Variants in RAD54B observed in about 807,000 individuals in gnomAD.
RAD54B encodes the protein DNA repair and recombination protein RAD54B.
A neutral mutation model predicts 95.8 loss-of-function variants in RAD54B; 78 were observed. That is an observed-to-expected ratio of 0.81 (90% CI 0.68 to 0.98). RAD54B has a LOEUF of 0.98. RAD54B is among the 50% of genes least tolerant of loss of function. The pLI is 0.00. For missense variants in RAD54B, 957 were observed against 1,056.6 expected, an observed-to-expected ratio of 0.91 and a Z score of 1.31; for synonymous variants, 328 against 354.9, an observed-to-expected ratio of 0.92 and a Z score of 0.85.
intron 11 of RAD54B, among the ~76,000 whole-genome samples, chr8:94,384,462 G>GT (rs1395860995): frequency 6.6e-6 from 1 of 152,184 alleles, no homozygotes; most frequent in African/African-American, 2.4e-5. Flanking sequence ...GAGTCAGAGA[G>GT]TAGAAGGGTA....
At chr8:94,456,779 T>G (rs762605220) in intron 3 of RAD54B, among the ~76,000 whole-genome samples, 52 of 152,150 alleles carry the variant, frequency 3.4e-4, no homozygotes, top group Non-Finnish European at 2.9e-4. Flanking sequence ...TCTCTATGCT[T>G]TTCTATATGC....
chr8:94,419,252 G>A (rs1287036994), intron 3 of RAD54B, among the ~76,000 whole-genome samples: 2 of 152,172 alleles, frequency 1.3e-5, no homozygotes, highest in African/African-American at 4.8e-5. Context: ...GCTCACGCCT[G>A]TAATCCCACC....
rs376928944 is a variant in RAD54B at position 94,393,859 on chromosome 8, G to C, written c.1402C>G (p.Gln468Glu). The change falls in exon 9 of 15, where the codon CAA becomes GAA. Residue 468 changes from glutamine to glutamate, a missense_variant. By Grantham distance (29) the Gln-to-Glu change is conservative. Transcript: ENST00000336148. ...AAATCAATTAATGCAAAAAATTCTTGCAGATCATTCTGAATTGGAGTACCT... is the reference window on the plus strand; with the variant it reads ...AAATCAATTAATGCAAAAAATTCTTCCAGATCATTCTGAATTGGAGTACCT... ...LTGTPIQNDL[Q>E]EFFALIDFVN... 6 of 1,606,152 alleles carry C rather than the reference G, an allele frequency of 3.7e-6. No individual in the cohort carries two copies. In the African/African-American group the frequency reaches 8.1e-5, roughly 22 times the overall value.
chr8:94,422,600 AAAAAAAAAAAAAAAAAAATATAT>A (rs1197451742), intron 3 of RAD54B, among the ~76,000 whole-genome samples: 6 of 90,738 alleles, frequency 6.6e-5, no homozygotes, highest in African/African-American at 3.4e-4. Flanking sequence ...AAAAAAAAAA[AAAAAAAAAAAAAAAAAAATATAT>A]ATATATATAT....
At chr8:94,432,513 C>T (rs1812131333) in intron 3 of RAD54B, 1 of 1,550,526 alleles carries the variant, frequency 6.4e-7, no homozygotes, top group African/African-American at 1.4e-5. Flanking sequence ...TAAAGTATCA[C>T]TCTGTTGAGA....
intron 3 of RAD54B, among the ~76,000 whole-genome samples, chr8:94,415,251 A>C (rs1474503955): frequency 4.7e-5 from 7 of 149,974 alleles, no homozygotes; most frequent in African/African-American, 1.7e-4. Context: ...AACCTGAGAA[A>C]AACAAGCAAT....
chr8:94,430,986 C>G, intron 3 of RAD54B: 1 of 985,352 alleles, frequency 1.0e-6, no homozygotes, highest in Non-Finnish European at 1.2e-6. Flanking sequence ...GCGTCTCACT[C>G]TTGACTTCAA....
intron 2 of RAD54B, 103 bp downstream of exon 2, chr8:94,467,302 A>C (rs1813050936): frequency 9.5e-7 from 1 of 1,052,480 alleles, no homozygotes; most frequent in Non-Finnish European, 1.3e-6. Context: ...GAGATACTGA[A>C]AATTCCTACA....
At chr8:94,381,316 A>C (rs918231277) in intron 11 of RAD54B, among the ~76,000 whole-genome samples, 12 of 152,194 alleles carry the variant, frequency 7.9e-5, no homozygotes, top group Non-Finnish European at 1.8e-4. Context: ...GGAGTCCCCA[A>C]ATTTAAAAGC....
chr8:94,438,025 A>T (rs1812311225), intron 3 of RAD54B, among the ~76,000 whole-genome samples: 2 of 152,212 alleles, frequency 1.3e-5, no homozygotes, highest in Admixed American at 1.3e-4. Flanking sequence ...TGTGATAGTT[A>T]TTAAGAGGTA....
intron 3 of RAD54B, chr8:94,431,625 G>GA: frequency 3.2e-6 from 3 of 940,800 alleles, no homozygotes; most frequent in Non-Finnish European, 2.5e-6. Context: ...TGCAGAGATG[G>GA]AAAAAAAGTG....
At chr8:94,382,071 G>A (rs1810755741) in intron 11 of RAD54B, among the ~76,000 whole-genome samples, 1 of 144,958 alleles carries the variant, frequency 6.9e-6, no homozygotes, top group South Asian at 2.2e-4. Flanking sequence ...CCGAGATCGC[G>A]CCACTGCACT....
At chr8:94,392,467 G>A (rs1312393859) in intron 9 of RAD54B, among the ~76,000 whole-genome samples, 38 of 152,066 alleles carry the variant, frequency 2.5e-4, no homozygotes, top group Admixed American at 2.2e-3. Context: ...TCACCATGTC[G>A]GCCAGGCTGA....
At chr8:94,406,191 G>A (rs1188580389) in intron 5 of RAD54B, among the ~76,000 whole-genome samples, 1 of 151,918 alleles carries the variant, frequency 6.6e-6, no homozygotes, top group Non-Finnish European at 1.5e-5. Flanking sequence ...TAGGACCCAC[G>A]TTTTACACAT....
intron 10 of RAD54B, among the ~76,000 whole-genome samples, chr8:94,387,714 C>T (rs1216139900): frequency 6.6e-6 from 1 of 152,094 alleles, no homozygotes; most frequent in Admixed American, 6.5e-5. Context: ...TTCTTACTTA[C>T]AACAATACTT....
intron 5 of RAD54B, among the ~76,000 whole-genome samples, chr8:94,405,553 A>C (rs1811366894): frequency 6.6e-6 from 1 of 152,170 alleles, no homozygotes; most frequent in Non-Finnish European, 1.5e-5. Flanking sequence ...TTCATCTTTG[A>C]GGTCAATTCC....
intron 3 of RAD54B, among the ~76,000 whole-genome samples, chr8:94,422,865 T>C (rs1811858031): frequency 6.7e-6 from 1 of 149,920 alleles, no homozygotes; most frequent in Non-Finnish European, 1.5e-5. Context: ...TATGTTCCAC[T>C]ATCCTATGTT....
At chr8:94,400,157 T>C in intron 7 of RAD54B, 81 bp downstream of exon 7, 1 of 1,254,344 alleles carries the variant, frequency 8.0e-7, no homozygotes, top group Non-Finnish European at 1.1e-6. Context: ...GGTTAGGGAG[T>C]TAACAAGTAA....
chr8:94,442,344 T>C (rs111948406), intron 3 of RAD54B, among the ~76,000 whole-genome samples: 13,698 of 133,914 alleles, frequency 0.1, 1,499 homozygotes, highest in African/African-American at 0.29. Flanking sequence ...GAGGCCAAGG[T>C]GGGCGGATCA....
Sources: gnomAD v4.1 joint callset for allele counts (sites outside exome capture counted in the v4.1 genomes callset) on GRCh38, gnomAD v4.1.1 for gene constraint, MANE v1.5 for transcripts, NCBI Gene and HGNC (gene_info 2026-07-23, HGNC 2026-07-21) for gene names.